The following SPOCK1 variants were observed in gnomAD, a reference collection of about 807,000 sequenced individuals.
The protein encoded by SPOCK1 is testican-1.
SPOCK1 carries 23 observed loss-of-function variants against 55.3 expected under a neutral mutation model. The ratio of observed to expected loss-of-function variants is 0.42; its 90% CI spans 0.30 to 0.59. The LOEUF is 0.59. SPOCK1 is among the 20% of genes least tolerant of loss of function. SPOCK1 has a pLI of 0.22. For synonymous variants in SPOCK1, 226 were observed against 221.0 expected, an observed-to-expected ratio of 1.02 and a Z score of -0.20; for missense variants, 499 against 552.5, an observed-to-expected ratio of 0.90 and a Z score of 0.97.
chr5:137,227,242 G>T (rs1755963697), intron 3 of SPOCK1, among the ~76,000 whole-genome samples: 1 of 152,182 alleles, frequency 6.6e-6, no homozygotes, highest in Non-Finnish European at 1.5e-5. Context: ...CTCAAAGCAT[G>T]GACCCTGAAA....
At position 137,262,088 on chromosome 5, in the gene SPOCK1, G is replaced by C. The variant is rs74572985; in HGVS notation, c.232+4922C>G. Among the ~76,000 whole-genome samples the C allele has an allele frequency of 3.3e-3, 506 of 152,238 alleles. 5 individuals carry two copies. The highest frequency in any genetic ancestry group is 0.011 in the African/African-American group (471 of 41,524). On this transcript the variant is annotated intron_variant, in intron 3 of 10. Coordinates refer to ENST00000394945, the MANE Select transcript of SPOCK1 (RefSeq NM_004598.4). ...TTCTTCTTCTAAAAGAACTAGTCAG[G>C]AAGCTTTGAAACACCTTGTTAGAAT... is the stretch of plus-strand genomic sequence containing the variant.
At chr5:137,255,830 T>C (rs752991320) in intron 3 of SPOCK1, among the ~76,000 whole-genome samples, 4 of 152,218 alleles carry the variant, frequency 2.6e-5, no homozygotes, top group Admixed American at 6.5e-5. Context: ...GCTCAGAGGA[T>C]AATTTTTCAC....
At chr5:137,324,819 C>A (rs1371371609) in intron 2 of SPOCK1, among the ~76,000 whole-genome samples, 1 of 151,514 alleles carries the variant, frequency 6.6e-6, no homozygotes, top group Non-Finnish European at 1.5e-5. Flanking sequence ...ACTTCCTGTA[C>A]AAGCTGGAAA....
intron 3 of SPOCK1, among the ~76,000 whole-genome samples, chr5:137,237,385 C>T (rs1756200883): frequency 6.6e-6 from 1 of 152,126 alleles, no homozygotes; most frequent in Non-Finnish European, 1.5e-5. Flanking sequence ...AGGAACATCC[C>T]ACAGACAGGC....
chr5:137,096,020 G>T (rs1426107905), intron 5 of SPOCK1, among the ~76,000 whole-genome samples: 1 of 152,154 alleles, frequency 6.6e-6, no homozygotes, highest in Non-Finnish European at 1.5e-5. Flanking sequence ...CTCATTGATG[G>T]GGTGGGGTCA....
intron 3 of SPOCK1, among the ~76,000 whole-genome samples, chr5:137,188,904 G>A (rs10042640): frequency 0.017 from 2,616 of 152,318 alleles, 76 homozygotes; most frequent in African/African-American, 0.059. Context: ...ACAGAAAACC[G>A]AAACAGCCTT....
At chr5:137,205,806 TCTAA>T (rs1268052253) in intron 3 of SPOCK1, among the ~76,000 whole-genome samples, 1 of 152,178 alleles carries the variant, frequency 6.6e-6, no homozygotes, top group Non-Finnish European at 1.5e-5. Flanking sequence ...AAAAGGAACA[TCTAA>T]CTGAGTTTTG....
chr5:137,345,670 G>C (rs1475259381), intron 2 of SPOCK1, among the ~76,000 whole-genome samples: 1 of 152,164 alleles, frequency 6.6e-6, no homozygotes, highest in Non-Finnish European at 1.5e-5. Flanking sequence ...AATCAACTGG[G>C]AGCCATTCCA....
intron 3 of SPOCK1, among the ~76,000 whole-genome samples, chr5:137,244,931 A>G (rs1418433685): frequency 6.6e-6 from 1 of 152,200 alleles, no homozygotes; most frequent in Non-Finnish European, 1.5e-5. Flanking sequence ...TTTAAATACT[A>G]ATTTTATTAC....
At chr5:137,013,157 T>C (rs983467729) in intron 6 of SPOCK1, among the ~76,000 whole-genome samples, 2 of 152,198 alleles carry the variant, frequency 1.3e-5, no homozygotes, top group Non-Finnish European at 2.9e-5. Flanking sequence ...TCCTATTGCC[T>C]ATAGATGTTT....
intron 6 of SPOCK1, among the ~76,000 whole-genome samples, chr5:137,035,617 C>T (rs1580718166): frequency 6.6e-6 from 1 of 152,234 alleles, no homozygotes; most frequent in East Asian, 1.9e-4. Context: ...CAGTCTGAGA[C>T]TCCTTGGAGA....
chr5:137,341,147 G>C (rs1047086095), intron 2 of SPOCK1, among the ~76,000 whole-genome samples: 1 of 152,206 alleles, frequency 6.6e-6, no homozygotes, highest in East Asian at 1.9e-4. Flanking sequence ...CTCCCCAAGG[G>C]GGAACAACTT....
At chr5:137,054,735 T>C (rs1170857061) in intron 6 of SPOCK1, among the ~76,000 whole-genome samples, 1 of 152,222 alleles carries the variant, frequency 6.6e-6, no homozygotes, top group African/African-American at 2.4e-5. Flanking sequence ...GAAGCAGAAA[T>C]GCACTAATTT....
chr5:137,340,049 G>A (rs918440412), intron 2 of SPOCK1, among the ~76,000 whole-genome samples: 3 of 151,968 alleles, frequency 2.0e-5, no homozygotes, highest in South Asian at 2.1e-4. Context: ...TCTAGAGCAC[G>A]CTGTGGAAGT....
At chr5:137,331,625 T>A (rs1758184988) in intron 2 of SPOCK1, among the ~76,000 whole-genome samples, 1 of 152,072 alleles carries the variant, frequency 6.6e-6, no homozygotes, top group East Asian at 1.9e-4. Flanking sequence ...AATAGGCATG[T>A]CACATGGTGA....
intron 2 of SPOCK1, among the ~76,000 whole-genome samples, chr5:137,302,345 A>G (rs542197129): frequency 2.7e-4 from 41 of 151,934 alleles, no homozygotes; most frequent in South Asian, 6.3e-4. Flanking sequence ...CAAGGCGGGC[A>G]GATCACAAGG....
intron 5 of SPOCK1, among the ~76,000 whole-genome samples, chr5:137,079,540 C>A (rs539463839): frequency 4.1e-4 from 60 of 147,462 alleles, no homozygotes; most frequent in Admixed American, 6.7e-4. Flanking sequence ...GATTCCCCCC[C>A]CCCCCGACTT....
intron 2 of SPOCK1, among the ~76,000 whole-genome samples, chr5:137,432,042 A>G (rs1187235001): frequency 6.6e-6 from 1 of 152,244 alleles, no homozygotes; most frequent in African/African-American, 2.4e-5. Flanking sequence ...AATCAAAACC[A>G]CAATGAGATA....
chr5:137,304,191 A>T (rs1039088173), intron 2 of SPOCK1, among the ~76,000 whole-genome samples: 1 of 152,170 alleles, frequency 6.6e-6, no homozygotes, highest in African/African-American at 2.4e-5. Context: ...AGAAAACCAC[A>T]GTCAAAATTT....
Sources: allele counts gnomAD v4.1 joint callset (sites outside exome capture counted in the v4.1 genomes callset), GRCh38; gene constraint gnomAD v4.1.1; transcripts MANE v1.5; gene names NCBI Gene and HGNC (gene_info 2026-07-23, HGNC 2026-07-21).